ELF2: variants seen among roughly 807,000 people sequenced by gnomAD.
The protein encoded by ELF2 is ETS-related transcription factor Elf-2.
A neutral mutation model predicts 54.8 loss-of-function variants in ELF2; 11 were observed. The ratio of observed to expected loss-of-function variants is 0.20; its 90% CI spans 0.13 to 0.33. The LOEUF is 0.33. ELF2 is among the 10% of genes least tolerant of loss of function. The pLI is 1.00. For missense variants in ELF2, 513 were observed against 703.0 expected, an observed-to-expected ratio of 0.73 and a Z score of 3.06; for synonymous variants, 203 against 245.1, an observed-to-expected ratio of 0.83 and a Z score of 1.61.
intron 4 of ELF2, among the ~76,000 whole-genome samples, chr4:139,098,477 T>C (rs1733521048): frequency 6.6e-6 from 1 of 151,474 alleles, no homozygotes; most frequent in Non-Finnish European, 1.5e-5. Flanking sequence ...AACTTTTTTT[T>C]TTTTTTTTTG....
chr4:139,084,291 C>A, intron 4 of ELF2: 1 of 1,599,550 alleles, frequency 6.3e-7, no homozygotes, highest in Admixed American at 1.7e-5. Flanking sequence ...ACACGCCGTG[C>A]GACCGACACA....
chr4:139,119,446 T>A (rs1009708200), intron 4 of ELF2, among the ~76,000 whole-genome samples: 8 of 152,206 alleles, frequency 5.3e-5, no homozygotes, highest in Admixed American at 1.3e-4. Context: ...ATGGCGTACC[T>A]TAGCAGGATA....
At position 139,095,185 on chromosome 4, in the gene ELF2, A is replaced by ATT. The variant is rs200556112; in HGVS notation, c.239-21620_239-21619dup. Reference sequence around the variant, plus strand: ...CCATTAAGCATGATATTTGCTATAGATTTTTTTTTTTTTTTTTGAGACAGA... The same window carrying ATT: ...CCATTAAGCATGATATTTGCTATAGATTTTTTTTTTTTTTTTTTTGAGACAGA... On this transcript the variant is annotated intron_variant, in intron 4 of 9. Transcript: ENST00000686138. Among the ~76,000 whole-genome samples the ATT allele has an allele frequency of 8.9e-3, 1,245 of 140,012 alleles. 22 individuals are homozygous for ATT. Among genetic ancestry groups the ATT allele is most frequent in the African/African-American group, 0.027 (1,010 of 38,020 alleles). The allele number at this position is 140,012 out of a possible 152,430, so 91.9% of individuals were successfully genotyped here.
intron 4 of ELF2, among the ~76,000 whole-genome samples, chr4:139,087,066 A>G (rs2148746121): frequency 6.6e-6 from 1 of 152,326 alleles, no homozygotes; most frequent in Non-Finnish European, 1.5e-5. Flanking sequence ...ACAAGGGTCC[A>G]GTATTTACTG....
chr4:139,093,261 G>A (rs1414611708), intron 4 of ELF2, among the ~76,000 whole-genome samples: 2 of 152,104 alleles, frequency 1.3e-5, no homozygotes, highest in Non-Finnish European at 2.9e-5. Context: ...CACCGCGCCC[G>A]GCCAGTAAAT....
intron 4 of ELF2, among the ~76,000 whole-genome samples, chr4:139,123,896 A>G (rs955707807): frequency 1.3e-5 from 2 of 152,342 alleles, no homozygotes; most frequent in Non-Finnish European, 2.9e-5. Flanking sequence ...TTTCCTCAAG[A>G]AGAAAATTCA....
rs374525824 is a variant in ELF2, at chr4:139,168,076, A to G, written c.-252+8891T>C. On this transcript the variant is annotated intron_variant, in intron 1 of 9. Transcript: ENST00000686138. The stretch of plus-strand genomic sequence containing the variant: ...ATTATTCACACTCTGCTTTAATTCA[A>G]CCCAGTTATGGAATGCCGAATGATA... Among the ~76,000 whole-genome samples, 3 of 152,228 alleles carry G rather than the reference A, an allele frequency of 2.0e-5. No homozygotes were observed. The South Asian group carries it at 6.2e-4, about 32-fold the overall frequency.
At chr4:139,177,413 ACGCGGGC>A (rs1414044574), upstream of ELF2, among the ~76,000 whole-genome samples, 1 of 151,136 alleles carries the variant, frequency 6.6e-6, no homozygotes, top group African/African-American at 2.4e-5. Flanking sequence ...CGCCTGTCAA[ACGCGGGC>A]CGGCTATTTA....
rs533525317 is a variant in ELF2 at position 139,175,062 on chromosome 4, TAA to T, written c.-252+1903_-252+1904del. Reference sequence around the variant, plus strand: ...TCACCTGCAAAATGGAGTAATTTTTTAAAAAATTAATAAACCCACCAAACTGT... The same window carrying T: ...TCACCTGCAAAATGGAGTAATTTTTTAAAATTAATAAACCCACCAAACTGT... On this transcript the variant is annotated intron_variant, in intron 1 of 9. Transcript: ENST00000686138. 3.5e-3 allele frequency among the ~76,000 whole-genome samples: 539 copies of T among 152,300 alleles called. 4 individuals carry two copies. The highest frequency in any genetic ancestry group is 0.012 in the African/African-American group (516 of 41,556).
At chr4:139,067,568 C>A (rs1236117276) in intron 7 of ELF2, 116 bp downstream of exon 7, 11 of 1,036,294 alleles carry the variant, frequency 1.1e-5, no homozygotes, top group Non-Finnish European at 4.3e-6. Context: ...AGAACTATTA[C>A]CAGCGACAGT....
chr4:139,082,884 G>A (rs535233308), intron 4 of ELF2, among the ~76,000 whole-genome samples: 1 of 152,324 alleles, frequency 6.6e-6, no homozygotes, highest in African/African-American at 2.4e-5. Context: ...CTGCTATTAA[G>A]CAAAGCTGCT....
At chr4:139,075,322 C>T (rs1730147372) in intron 4 of ELF2, among the ~76,000 whole-genome samples, 1 of 152,210 alleles carries the variant, frequency 6.6e-6, no homozygotes, top group Non-Finnish European at 1.5e-5. Flanking sequence ...AATTTCTTAT[C>T]ATTCCTGTAA....
At position 139,058,376 on chromosome 4, in the gene ELF2, A is replaced by G. The variant is rs1443240038; in HGVS notation, c.*607T>C. ...TAGTCTAAGGCCTTTGTTTTAAATC[A>G]GCTTAAGCTATATGATATATATATA... On this transcript the variant is annotated 3_prime_UTR_variant, in exon 10 of 10. Transcript: ENST00000686138. 6.8e-6 allele frequency: 1 copy of G among 147,536 alleles called. No homozygotes were observed. Among genetic ancestry groups the G allele is most frequent in the African/African-American group, 2.5e-5 (1 of 40,268 alleles). The allele number at this position is 147,536 out of a possible 1,614,324, so 9.1% of individuals were successfully genotyped here. A position where few individuals can be genotyped will look rare whatever the true frequency, so the allele number is the denominator to read the frequency against.
At chr4:139,083,741 A>G (rs1414761211) in intron 4 of ELF2, among the ~76,000 whole-genome samples, 5 of 152,174 alleles carry the variant, frequency 3.3e-5, no homozygotes, top group Admixed American at 3.3e-4. Context: ...TGGCAGGCGC[A>G]GCCGAGAGAC....
chr4:139,067,490 G>T, intron 7 of ELF2, 194 bp downstream of exon 7: 2 of 537,552 alleles, frequency 3.7e-6, no homozygotes, highest in Non-Finnish European at 6.6e-6. Context: ...CAGAATCTCT[G>T]TGGTGTAGGA....
intron 1 of ELF2, among the ~76,000 whole-genome samples, chr4:139,158,178 C>G (rs1279468946): frequency 6.6e-6 from 1 of 151,996 alleles, no homozygotes; most frequent in African/African-American, 2.4e-5. Flanking sequence ...GTGGGGGTCA[C>G]CAGGTGCTCA....
intron 4 of ELF2, among the ~76,000 whole-genome samples, chr4:139,078,574 CTTTT>C (rs35529764): frequency 4.4e-5 from 6 of 135,544 alleles, no homozygotes; most frequent in Admixed American, 7.4e-5. Context: ...AATGGCAATT[CTTTT>C]TTTTTTTTTT....
rs1666471455 is a variant in ELF2, at chr4:139,058,771, G to C, written c.*212C>G. On this transcript the variant is annotated 3_prime_UTR_variant, in exon 10 of 10. Coordinates refer to ENST00000686138, the MANE Select transcript of ELF2 (RefSeq NM_001331036.3). ...TTGATGGGTTCAGTTGTTTCCTACT[G>C]TAAGAGGCAGTTTTCTGTCAGCATC... is the stretch of plus-strand genomic sequence containing the variant. The C allele has an allele frequency of 4.9e-6, 3 of 612,294 alleles. No individual in the cohort carries two copies. The highest frequency in any genetic ancestry group is 2.5e-5 in the South Asian group (1 of 40,666). 37.9% of individuals were successfully genotyped at this position (612,294 alleles called of 1,614,324 possible). A position where few individuals can be genotyped will look rare whatever the true frequency, so the allele number is the denominator to read the frequency against.
chr4:139,102,376 A>C (rs1198489586), intron 4 of ELF2: 1 of 145,366 alleles, frequency 6.9e-6, no homozygotes, highest in African/African-American at 2.5e-5. Flanking sequence ...AAAAAAAAAT[A>C]CAAAAAATTA....
Sources: allele counts gnomAD v4.1 joint callset (sites outside exome capture counted in the v4.1 genomes callset), GRCh38; gene constraint gnomAD v4.1.1; transcripts MANE v1.5; gene names NCBI Gene and HGNC (gene_info 2026-07-23, HGNC 2026-07-21).